Variants in IFI6 observed in about 807,000 individuals in gnomAD.
IFI6 encodes the protein interferon alpha-inducible protein 6.
A neutral mutation model predicts 12.7 loss-of-function variants in IFI6; 10 were observed. That is an observed-to-expected ratio of 0.79 (90% CI 0.49 to 1.33). The LOEUF is 1.33. Ranked by LOEUF, IFI6 falls within the 40% of genes most tolerant of loss-of-function variation. IFI6 has a pLI of 0.00. For missense variants in IFI6, 154 were observed against 180.4 expected (o/e 0.85, Z 0.84); for synonymous variants, 89 against 86.2 (o/e 1.03, Z -0.18).
intron 1 of IFI6, chr1:27,670,475 T>TG: frequency 6.6e-6 from 1 of 150,462 alleles, no homozygotes; most frequent in East Asian, 2.0e-4. Flanking sequence ...TTTTTTGAGA[T>TG]GGGGTTTCAC....
At chr1:27,669,373 C>T in intron 1 of IFI6, 27 bp from the exon 2 acceptor site, 1 of 1,407,564 alleles carries the variant, frequency 7.1e-7, no homozygotes, top group Non-Finnish European at 9.8e-7. Context: ...GGGAGATGGT[C>T]CCCGGAGCAT....
intron 1 of IFI6, chr1:27,669,681 G>T: frequency 3.5e-6 from 1 of 283,306 alleles, no homozygotes; most frequent in South Asian, 3.7e-5. Context: ...TTGCTTCTCT[G>T]GGCTTCAGTT....
Position 27,668,496 on chromosome 1 carries a change from C to G in IFI6, c.110G>C (p.Gly37Ala). The G allele has an allele frequency of 6.2e-7, 1 of 1,611,356 alleles. No homozygotes were observed. Among genetic ancestry groups the G allele is most frequent in the Non-Finnish European group, 8.5e-7 (1 of 1,178,848 alleles). The change falls in exon 3 of 5, where the codon GGG becomes GCG. Residue 37 changes from glycine to alanine, a missense_variant. Transcript: ENST00000361157. Reference protein sequence around the residue: ...KCSESSDSGSGFWKALTFMAV... With the variant: ...KCSESSDSGSAFWKALTFMAV... ...CATGAAGGTCAGGGCCTTCCAGAAC[C>G]CGGAGCCGCTGTCCGAGCTCTCCGA...
chr1:27,666,289 C>CACAA lies in IFI6; in HGVS notation c.*91_*92insTTGT, dbSNP rs2090350336. On this transcript the variant is annotated 3_prime_UTR_variant, in exon 5 of 5. Transcript: ENST00000361157. ...TGGACAATATAGTGAGAACCCATCT[C>CACAA]AAAAAAAAAAAAAAAAAAAAAAAGG... 1 of 220,928 alleles carries CACAA rather than the reference C, an allele frequency of 4.5e-6. No individual in the cohort carries two copies. Among genetic ancestry groups the CACAA allele is most frequent in the Non-Finnish European group, 7.7e-6 (1 of 130,174 alleles). The allele number at this position is 220,928 out of a possible 1,614,324, so 13.7% of individuals were successfully genotyped here.
intron 1 of IFI6, among the ~76,000 whole-genome samples, chr1:27,671,889 T>C (rs527384851): frequency 6.6e-6 from 1 of 152,294 alleles, no homozygotes; most frequent in South Asian, 2.1e-4. Context: ...ATCGCTGATA[T>C]TGCACCTGTA....
intron 2 of IFI6, among the ~76,000 whole-genome samples, chr1:27,668,881 C>T (rs184388881): frequency 6.6e-6 from 1 of 152,016 alleles, no homozygotes; most frequent in Admixed American, 6.6e-5. Flanking sequence ...CTTTATCCCA[C>T]ACTCCTCCCA....
At chr1:27,666,891 G>C (rs2090356008) in intron 4 of IFI6, among the ~76,000 whole-genome samples, 1 of 152,130 alleles carries the variant, frequency 6.6e-6, no homozygotes, top group Non-Finnish European at 1.5e-5. Context: ...CCCATTGCAG[G>C]GGTGTGGCCC....
Position 27,668,483 on chromosome 1 carries a change from G to A in IFI6, c.123C>T (p.Ala41=). ...CTCCTCCGACGGCCATGAAGGTCAG[G>A]GCCTTCCAGAACCCGGAGCCGCTGT... ...SSDSGSGFWK[A]LTFMAVGGGL... Residue 41 remains alanine (A), a synonymous_variant, in exon 3 of 5, where the codon GCC becomes GCT. Transcript: ENST00000361157. 3 of 1,611,784 alleles carry A rather than the reference G, an allele frequency of 1.9e-6. No individual in the cohort carries two copies. The highest frequency in any genetic ancestry group is 2.5e-6 in the Non-Finnish European group (3 of 1,179,050).
intron 2 of IFI6, 47 bp downstream of exon 2, chr1:27,669,198 T>A (rs766985438): frequency 3.2e-5 from 49 of 1,544,014 alleles, no homozygotes; most frequent in Non-Finnish European, 4.3e-5. Flanking sequence ...CATCCTTACC[T>A]GCACCCTTAC....
In IFI6 at chr1:27,669,459, A is replaced by G. The variant is rs1361265881; in HGVS notation, c.-32-113T>C. 4 of 669,816 alleles carry G rather than the reference A, an allele frequency of 6.0e-6. No homozygotes were observed. The East Asian group carries it at 8.3e-5, about 14-fold the overall frequency. The allele number at this position is 669,816 out of a possible 1,614,324, so 41.5% of individuals were successfully genotyped here. ...AGTAAAAAGCAGCGAGGTGTGGTGAATGGAACCCAGGATCCCTCTCAGGAG... is the reference window on the plus strand; with the variant it reads ...AGTAAAAAGCAGCGAGGTGTGGTGAGTGGAACCCAGGATCCCTCTCAGGAG... On this transcript the variant is annotated intron_variant, in intron 1 of 4. Coordinates refer to ENST00000361157, the MANE Select transcript of IFI6 (RefSeq NM_002038.4).
intron 1 of IFI6, among the ~76,000 whole-genome samples, chr1:27,671,378 C>CT (rs1433728498): frequency 1.4e-5 from 2 of 142,158 alleles, no homozygotes; most frequent in African/African-American, 5.8e-5. Context: ...CCCAAGCCCA[C>CT]ATTTTTTTTT....
At chr1:27,668,166 G>A (rs1430779843) in intron 4 of IFI6, 60 bp downstream of exon 4, 1 of 1,380,676 alleles carries the variant, frequency 7.2e-7, no homozygotes, top group Non-Finnish European at 9.5e-7. Context: ...AGTTTCCCCA[G>A]ATGTATGATG....
chr1:27,669,362 A>C lies in IFI6; in HGVS notation c.-32-16T>G, dbSNP rs1557756620. 1 of 1,491,462 alleles carries C rather than the reference A, an allele frequency of 6.7e-7. No individual in the cohort carries two copies. The highest frequency in any genetic ancestry group is 1.2e-5 in the South Asian group (1 of 82,730). The allele number at this position is 1,491,462 out of a possible 1,614,324, so 92.4% of individuals were successfully genotyped here. On this transcript the variant is annotated splice_polypyrimidine_tract_variant and intron_variant, in intron 1 of 4. Transcript: ENST00000361157. ...GTCACTAGACCTGCGAACGGGCGAG[A>C]GGGAGATGGTCCCCGGAGCATTTTT...
intron 4 of IFI6, among the ~76,000 whole-genome samples, chr1:27,667,622 T>C (rs1376154828): frequency 6.6e-6 from 1 of 152,170 alleles, no homozygotes; most frequent in Non-Finnish European, 1.5e-5. Flanking sequence ...AGGATGATCA[T>C]CCCCACGCAC....
Position 27,666,196 on chromosome 1 carries a change from T to C in IFI6, c.*185A>G. The stretch of plus-strand genomic sequence containing the variant: ...TGGGAGGTTGAGACAGGAGGATCAC[T>C]TGAGGCTAGGAGTTGGAGGCTGCAG... On this transcript the variant is annotated 3_prime_UTR_variant, in exon 5 of 5. Coordinates refer to ENST00000361157, the MANE Select transcript of IFI6 (RefSeq NM_002038.4). The C allele has an allele frequency of 2.2e-6, 1 of 454,108 alleles. No homozygotes were observed. The highest frequency in any genetic ancestry group is 3.8e-6 in the Non-Finnish European group (1 of 260,202). The allele number at this position is 454,108 out of a possible 1,614,324, so 28.1% of individuals were successfully genotyped here.
At chr1:27,671,307 T>G (rs1338916342) in intron 1 of IFI6, among the ~76,000 whole-genome samples, 1 of 151,658 alleles carries the variant, frequency 6.6e-6, no homozygotes, top group East Asian at 1.9e-4. Flanking sequence ...TAAGTAATAT[T>G]CCCAAGGCTG....
At chr1:27,667,055 G>C (rs2090357228) in intron 4 of IFI6, among the ~76,000 whole-genome samples, 1 of 144,646 alleles carries the variant, frequency 6.9e-6, no homozygotes, top group African/African-American at 2.6e-5. Flanking sequence ...GAGCGCGAGA[G>C]AGAGGTGGGG....
intron 2 of IFI6, 49 bp from the exon 3 acceptor site, chr1:27,668,584 G>T: frequency 1.4e-6 from 2 of 1,473,972 alleles, no homozygotes; most frequent in Non-Finnish European, 1.9e-6. Context: ...GTGGGACACA[G>T]GGGTCCCCTA....
intron 2 of IFI6, 35 bp from the exon 3 acceptor site, chr1:27,668,570 TGG>T: frequency 6.5e-7 from 1 of 1,547,104 alleles, no homozygotes; most frequent in Non-Finnish European, 8.8e-7. Context: ...GTGGGGGTGT[TGG>T]GGTGGGACAC....
Sources: allele counts gnomAD v4.1 joint callset (sites outside exome capture counted in the v4.1 genomes callset), GRCh38; gene constraint gnomAD v4.1.1; transcripts MANE v1.5; gene names NCBI Gene and HGNC (gene_info 2026-07-23, HGNC 2026-07-21).